SH3PXD2B: variants seen among roughly 807,000 people sequenced by gnomAD.
SH3PXD2B encodes SH3 and PX domains 2B, also known as SH3 and PX domain-containing protein 2B.
Under a neutral mutation model 73.1 loss-of-function variants are expected in SH3PXD2B, and 37 were observed. The observed-to-expected ratio is 0.51, with a 90% CI of 0.39 to 0.67. The LOEUF is 0.67. Among genes scored for constraint, SH3PXD2B ranks in the 30% least tolerant of loss-of-function variants. The probability of loss-of-function intolerance (pLI) is 0.00; values close to 1 mark genes in which losing one functional copy is unlikely to be tolerated. For synonymous variants in SH3PXD2B, 457 were observed against 480.5 expected (o/e 0.95, Z 0.64); for missense variants, 1,053 against 1,197.8 (o/e 0.88, Z 1.78).
At chr5:172,417,511 T>C (rs908913479) in intron 2 of SH3PXD2B, among the ~76,000 whole-genome samples, 1 of 152,222 alleles carries the variant, frequency 6.6e-6, no homozygotes, top group Admixed American at 6.5e-5. Flanking sequence ...AATGCTCTGT[T>C]TGAATAATCC....
chr5:172,333,985 T>G lies in SH3PXD2B; in HGVS notation c.*4384A>C. 8.3e-7 allele frequency: 1 copy of G among 1,199,112 alleles called. No homozygotes were observed. The highest frequency in any genetic ancestry group is 1.1e-6 in the Non-Finnish European group (1 of 951,902). 74.3% of individuals were successfully genotyped at this position (1,199,112 alleles called of 1,614,324 possible). ...TTGCTTATTGCTGATGTAAGCCTGGTGGGGGCACCTTCTTTTTTACATGAA... is the reference window on the plus strand; with the variant it reads ...TTGCTTATTGCTGATGTAAGCCTGGGGGGGGCACCTTCTTTTTTACATGAA... On this transcript the variant is annotated 3_prime_UTR_variant, in exon 13 of 13. Coordinates refer to ENST00000311601, the MANE Select transcript of SH3PXD2B (RefSeq NM_001017995.3).
intron 1 of SH3PXD2B, among the ~76,000 whole-genome samples, chr5:172,440,263 AT>A (rs1359879873): frequency 6.6e-6 from 1 of 152,206 alleles, no homozygotes; most frequent in Non-Finnish European, 1.5e-5. Flanking sequence ...CGCGGTCGAG[AT>A]GGCAAAGTAG....
At chr5:172,418,038 G>C (rs1758867654) in intron 2 of SH3PXD2B, among the ~76,000 whole-genome samples, 1 of 152,176 alleles carries the variant, frequency 6.6e-6, no homozygotes, top group Non-Finnish European at 1.5e-5. Flanking sequence ...TAACTCACGA[G>C]AACCTTGTGA....
intron 6 of SH3PXD2B, among the ~76,000 whole-genome samples, chr5:172,363,978 G>C (rs868179586): frequency 6.6e-6 from 1 of 152,206 alleles, no homozygotes; most frequent in Non-Finnish European, 1.5e-5. Context: ...TCAAGGAAGA[G>C]GCGAAGGTGG....
At position 172,439,291 on chromosome 5, in the gene SH3PXD2B, ACCCC is replaced by A. The variant is rs1238512778; in HGVS notation, c.75+14983_75+14986del. ...AAAACAAAAACAAAACAAAAAAAAA[ACCCC>A]AAAAAAAAACCACAGGCATCGGCTT... On this transcript the variant is annotated intron_variant, in intron 1 of 12. Coordinates refer to ENST00000311601, the MANE Select transcript of SH3PXD2B (RefSeq NM_001017995.3). Among the ~76,000 whole-genome samples the A allele has an allele frequency of 1.7e-3, 89 of 51,132 alleles. 1 individual carries two copies. The highest frequency in any genetic ancestry group is 6.6e-3 in the African/African-American group (76 of 11,598). 33.5% of individuals were successfully genotyped at this position (51,132 alleles called of 152,430 possible). A position where few individuals can be genotyped will look rare whatever the true frequency, so the allele number is the denominator to read the frequency against.
chr5:172,440,793 T>C (rs147470258), intron 1 of SH3PXD2B, among the ~76,000 whole-genome samples: 15 of 152,240 alleles, frequency 9.9e-5, no homozygotes, highest in African/African-American at 3.6e-4. Flanking sequence ...AGCGACAGAC[T>C]CTGAACTGGA....
chr5:172,438,135 A>T (rs1044102653), intron 1 of SH3PXD2B, among the ~76,000 whole-genome samples: 1 of 152,020 alleles, frequency 6.6e-6, no homozygotes, highest in African/African-American at 2.4e-5. Flanking sequence ...CCAGGACTCA[A>T]TGCCTGCCAC....
Position 172,337,651 on chromosome 5 carries a change from A to G in SH3PXD2B, c.*718T>C. 1 of 986,394 alleles carries G rather than the reference A, an allele frequency of 1.0e-6. No homozygotes were observed. The highest frequency in any genetic ancestry group is 1.2e-6 in the Non-Finnish European group (1 of 830,650). The allele number at this position is 986,394 out of a possible 1,614,324, so 61.1% of individuals were successfully genotyped here. ...AAGCCCTGGAGGGACCGGAGCCTGC[A>G]GCAGCAAAGCGCAGCATACGCGGGG... On this transcript the variant is annotated 3_prime_UTR_variant, in exon 13 of 13. Coordinates refer to ENST00000311601, the MANE Select transcript of SH3PXD2B (RefSeq NM_001017995.3).
In SH3PXD2B at chr5:172,421,571, T is replaced by A. The variant is rs539014683; in HGVS notation, c.156+845A>T. On this transcript the variant is annotated intron_variant, in intron 2 of 12. Coordinates refer to ENST00000311601, the MANE Select transcript of SH3PXD2B (RefSeq NM_001017995.3). This position sits in a 1 kb window ranked among gnomAD's most constrained non-coding sequence, Gnocchi z 4.0. ...CAATACAGAGAGACACACAGAGCTG[T>A]AGGGGCACAGAATGGGTGGCCCTCG... Among the ~76,000 whole-genome samples, 2 of 152,086 alleles carry A rather than the reference T, an allele frequency of 1.3e-5. No individual in the cohort carries two copies. Among genetic ancestry groups the A allele is most frequent in the South Asian group, 4.1e-4 (2 of 4,824 alleles).
At chr5:172,438,944 A>G (rs893880979) in intron 1 of SH3PXD2B, among the ~76,000 whole-genome samples, 5 of 152,110 alleles carry the variant, frequency 3.3e-5, no homozygotes, top group Non-Finnish European at 7.4e-5. Context: ...GTCATTAAAA[A>G]AAAAAAAAAG....
chr5:172,342,369 T>C (rs1280444268), intron 12 of SH3PXD2B, among the ~76,000 whole-genome samples: 1 of 152,088 alleles, frequency 6.6e-6, no homozygotes, highest in Non-Finnish European at 1.5e-5. Flanking sequence ...TCAGGAGAGC[T>C]GAGGAACACA....
At chr5:172,380,583 C>T (rs1420564815) in intron 5 of SH3PXD2B, among the ~76,000 whole-genome samples, 5 of 152,200 alleles carry the variant, frequency 3.3e-5, no homozygotes, top group Admixed American at 6.5e-5. Flanking sequence ...CAGACACCAA[C>T]GCCAAAGACA....
chr5:172,437,449 G>C (rs540843243), intron 1 of SH3PXD2B, among the ~76,000 whole-genome samples: 4 of 152,328 alleles, frequency 2.6e-5, no homozygotes, highest in African/African-American at 7.2e-5. Flanking sequence ...CCGAGGCACA[G>C]AGCCATGCTG....
At chr5:172,403,830 TC>T (rs1195344009) in intron 3 of SH3PXD2B, among the ~76,000 whole-genome samples, 2 of 152,250 alleles carry the variant, frequency 1.3e-5, no homozygotes, top group African/African-American at 4.8e-5. Flanking sequence ...CAAAGGCATG[TC>T]CCAGGACCCT....
intron 4 of SH3PXD2B, among the ~76,000 whole-genome samples, chr5:172,393,441 A>AT (rs1268913663): frequency 6.6e-6 from 1 of 152,010 alleles, no homozygotes; most frequent in East Asian, 1.9e-4. Context: ...TTGTCCTAAT[A>AT]TTTTTTTGAT....
intron 12 of SH3PXD2B, among the ~76,000 whole-genome samples, chr5:172,325,822 C>T (rs1035904245): frequency 6.6e-6 from 1 of 152,202 alleles, no homozygotes; most frequent in Non-Finnish European, 1.5e-5. Context: ...GCTGTTGTTG[C>T]CCAGGCTGGA....
intron 10 of SH3PXD2B, among the ~76,000 whole-genome samples, chr5:172,347,797 G>T (rs1309717330): frequency 6.6e-6 from 1 of 152,156 alleles, no homozygotes; most frequent in Non-Finnish European, 1.5e-5. Context: ...GAAGCTCTTG[G>T]CATGTGGCAG....
Position 172,338,734 on chromosome 5 carries a change from C to T in SH3PXD2B, c.2371G>A (p.Ala791Thr). The T allele has an allele frequency of 6.2e-7, 1 of 1,614,238 alleles. No homozygotes were observed. Among genetic ancestry groups the T allele is most frequent in the Non-Finnish European group, 8.5e-7 (1 of 1,180,048 alleles). Reference sequence around the variant, plus strand: ...AGGAGAGCACGGCCTGGGGTGGGAGCTGCCCTGCTTTCGTGGCCTTCACAC... The same window carrying T: ...AGGAGAGCACGGCCTGGGGTGGGAGTTGCCCTGCTTTCGTGGCCTTCACAC... ...PQCEGHESRA[A>T]PTPGRALLVP... Residue 791 changes from alanine to threonine, a missense_variant, in exon 13 of 13, where the codon GCT becomes ACT. Ala to Thr is a moderately conservative substitution (Grantham distance 58, BLOSUM62 0). This residue lies in a region of SH3PXD2B where 587 missense variants were observed against 590.7 expected (regional missense o/e 0.99). Coordinates refer to ENST00000311601, the MANE Select transcript of SH3PXD2B (RefSeq NM_001017995.3). This position sits in a 1 kb window ranked among gnomAD's most constrained non-coding sequence, Gnocchi z 5.1.
chr5:172,396,841 T>C (rs1055259936), intron 3 of SH3PXD2B, among the ~76,000 whole-genome samples: 1 of 152,034 alleles, frequency 6.6e-6, no homozygotes, highest in Non-Finnish European at 1.5e-5. Flanking sequence ...CTCAGGAGAC[T>C]GAGGCAGGAG....
Sources: gnomAD v4.1 joint callset for allele counts (sites outside exome capture counted in the v4.1 genomes callset) on GRCh38, gnomAD v4.1.1 for gene constraint, gnomAD v4.1.1 regional missense constraint, Gnocchi (gnomAD v3.1) non-coding constraint, MANE v1.5 for transcripts, NCBI Gene and HGNC (gene_info 2026-07-23, HGNC 2026-07-21) for gene names.